TBL1X: variants seen among roughly 807,000 people sequenced by gnomAD.
The protein encoded by TBL1X is transducin beta like 1 X-linked, also known as F-box-like/WD repeat-containing protein TBL1X.
In TBL1X, 10 loss-of-function variants were observed where a neutral mutation model predicts 50.7. That is an observed-to-expected ratio of 0.20 (90% CI 0.12 to 0.33). TBL1X has a LOEUF of 0.33. Among genes scored for constraint, TBL1X ranks in the 10% least tolerant of loss-of-function variants. The pLI is 1.00. For missense variants in TBL1X, 340 were observed against 504.4 expected, an observed-to-expected ratio of 0.67 and a Z score of 3.12; for synonymous variants, 190 against 214.7, an observed-to-expected ratio of 0.88 and a Z score of 1.01.
intron 1 of TBL1X, among the ~76,000 whole-genome samples, chrX:9,484,920 A>G (rs2081903132): frequency 9.6e-6 from 1 of 104,586 alleles, no homozygotes; most frequent in Admixed American, 1.0e-4. Flanking sequence ...TGGCACTAAA[A>G]AAAAAAAAAA....
At chrX:9,585,514 T>G (rs910976402) in intron 2 of TBL1X, among the ~76,000 whole-genome samples, 1 of 111,285 alleles carries the variant, frequency 9.0e-6, no homozygotes, top group Non-Finnish European at 1.9e-5. Flanking sequence ...TGTGGCCCTT[T>G]GGACTGGTCA....
intron 5 of TBL1X, among the ~76,000 whole-genome samples, chrX:9,654,586 G>A (rs1016090897): frequency 7.2e-5 from 8 of 111,368 alleles, no homozygotes; most frequent in Non-Finnish European, 1.1e-4. Flanking sequence ...TGGAAAGGAC[G>A]GAAGCAGTGC....
chrX:9,625,969 T>C (rs1400849129), intron 2 of TBL1X, among the ~76,000 whole-genome samples: 3 of 111,477 alleles, frequency 2.7e-5, no homozygotes, highest in Non-Finnish European at 5.7e-5. Context: ...AGATAGGTCA[T>C]GTGGTGTAAC....
intron 5 of TBL1X, among the ~76,000 whole-genome samples, chrX:9,656,830 A>G (rs757472779): frequency 1.8e-5 from 2 of 112,472 alleles, no homozygotes. Flanking sequence ...GTTATTTTCT[A>G]TGTTCGTCTC....
intron 3 of TBL1X, among the ~76,000 whole-genome samples, chrX:9,652,314 T>C (rs776262413): frequency 4.3e-4 from 48 of 112,180 alleles, no homozygotes; most frequent in African/African-American, 1.5e-3. Flanking sequence ...ATCTTGCCCA[T>C]ACTCAAGGGT....
intron 5 of TBL1X, among the ~76,000 whole-genome samples, chrX:9,658,313 T>C (rs944329416): frequency 2.7e-5 from 3 of 111,318 alleles, no homozygotes; most frequent in African/African-American, 9.8e-5. Flanking sequence ...TTGTGCTATC[T>C]GGGCAGTTTT....
chrX:9,706,203 C>T (rs1438430475), intron 13 of TBL1X, among the ~76,000 whole-genome samples: 1 of 111,723 alleles, frequency 9.0e-6, no homozygotes, highest in Non-Finnish European at 1.9e-5. Context: ...GATTTACCAG[C>T]AGATGGGAGA....
intron 3 of TBL1X, among the ~76,000 whole-genome samples, chrX:9,650,096 C>T (rs1569086583): frequency 8.9e-6 from 1 of 112,655 alleles, no homozygotes; most frequent in East Asian, 2.8e-4. Flanking sequence ...CAGCTGGTAC[C>T]TTTTCAGTGG....
intron 2 of TBL1X, among the ~76,000 whole-genome samples, chrX:9,591,533 T>C (rs1393103164): frequency 3.5e-5 from 4 of 112,701 alleles, no homozygotes; most frequent in Non-Finnish European, 7.5e-5. Flanking sequence ...TTACTACTGC[T>C]TGCTTTGTGC....
chrX:9,496,666 C>G (rs1015272551), intron 1 of TBL1X, among the ~76,000 whole-genome samples: 2 of 111,823 alleles, frequency 1.8e-5, no homozygotes, highest in African/African-American at 6.5e-5. Flanking sequence ...TGAGAGAAAT[C>G]CACTATCTCT....
intron 5 of TBL1X, among the ~76,000 whole-genome samples, chrX:9,665,056 A>G (rs1215781231): frequency 5.4e-5 from 6 of 110,111 alleles, no homozygotes; most frequent in Non-Finnish European, 9.5e-5. Context: ...TGGAGTTTTA[A>G]TGGCATTCTG....
At chrX:9,609,877 T>C (rs757262694) in intron 2 of TBL1X, among the ~76,000 whole-genome samples, 83 of 112,667 alleles carry the variant, frequency 7.4e-4, no homozygotes, top group Admixed American at 6.5e-3. Flanking sequence ...TCTTTTTCCA[T>C]GTATTAGACC....
At chrX:9,646,520 C>T (rs906675016) in intron 3 of TBL1X, among the ~76,000 whole-genome samples, 1 of 112,241 alleles carries the variant, frequency 8.9e-6, no homozygotes, top group East Asian at 2.8e-4. Context: ...AGAGTTTGCT[C>T]GTTTCCATGA....
At chrX:9,556,171 A>AG (rs1353311231) in intron 2 of TBL1X, among the ~76,000 whole-genome samples, 2 of 108,245 alleles carry the variant, frequency 1.8e-5, no homozygotes, top group Non-Finnish European at 3.8e-5. Flanking sequence ...CCTAGGTGCC[A>AG]GTGAGACTGT....
intron 1 of TBL1X, among the ~76,000 whole-genome samples, chrX:9,492,840 T>TGG (rs2081951597): frequency 5.2e-4 from 4 of 7,703 alleles, no homozygotes; most frequent in African/African-American, 1.5e-3. Context: ...GGCTAGAGGG[T>TGG]GTGTGTGTGT....
chrX:9,670,821 C>A (rs753727923), intron 5 of TBL1X, among the ~76,000 whole-genome samples: 1 of 112,293 alleles, frequency 8.9e-6, no homozygotes, highest in African/African-American at 3.2e-5. Flanking sequence ...TTGACTGCAG[C>A]GGCTCTTTTA....
At chrX:9,476,587 G>A (rs1390523942) in intron 1 of TBL1X, among the ~76,000 whole-genome samples, 1 of 112,239 alleles carries the variant, frequency 8.9e-6, no homozygotes, top group Non-Finnish European at 1.9e-5. Context: ...CTTTCAAGGG[G>A]CAGCTGTCTA....
At chrX:9,585,675 C>A (rs938335367) in intron 2 of TBL1X, among the ~76,000 whole-genome samples, 3 of 111,409 alleles carry the variant, frequency 2.7e-5, no homozygotes, top group African/African-American at 6.5e-5. Flanking sequence ...GGGGTTGGCA[C>A]CTGTTCCAGG....
At chrX:9,696,533 C>A (rs1409761714) in intron 11 of TBL1X, among the ~76,000 whole-genome samples, 3 of 112,642 alleles carry the variant, frequency 2.7e-5, no homozygotes, top group Non-Finnish European at 5.6e-5. Flanking sequence ...CATAAAAATT[C>A]GTGATTTCCT....
Sources: allele counts gnomAD v4.1 joint callset (sites outside exome capture counted in the v4.1 genomes callset), GRCh38; gene constraint gnomAD v4.1.1; transcripts MANE v1.5; gene names NCBI Gene and HGNC (gene_info 2026-07-23, HGNC 2026-07-21).